Variants in PJA2 observed in about 807,000 individuals in gnomAD.
PJA2 encodes the protein praja ring finger ubiquitin ligase 2.
PJA2 carries 25 observed loss-of-function variants against 69.3 expected under a neutral mutation model. The ratio of observed to expected loss-of-function variants is 0.36; its 90% CI spans 0.26 to 0.50. The LOEUF is 0.50. Among genes scored for constraint, PJA2 ranks in the 20% least tolerant of loss-of-function variants. The pLI, the probability that PJA2 is intolerant of heterozygous loss-of-function variation, is 0.96. For missense variants in PJA2, 809 were observed against 830.2 expected (o/e 0.97, Z 0.31); for synonymous variants, 308 against 277.8 (o/e 1.11, Z -1.08).
intron 4 of PJA2, 100 bp downstream of exon 4, chr5:109,378,104 T>A: frequency 1.2e-6 from 1 of 805,332 alleles, no homozygotes; most frequent in Non-Finnish European, 2.0e-6. Flanking sequence ...AAATGTCTAA[T>A]TCCCTGATCA....
At chr5:109,368,442 G>T (rs1762620863) in intron 5 of PJA2, 119 bp downstream of exon 5, 2 of 749,496 alleles carry the variant, frequency 2.7e-6, no homozygotes, top group African/African-American at 1.8e-5. Flanking sequence ...AAAATCAGGG[G>T]GGCCTACTGG....
At chr5:109,353,016 ATCT>A (rs1212028005) in intron 7 of PJA2, among the ~76,000 whole-genome samples, 33 of 133,008 alleles carry the variant, frequency 2.5e-4, no homozygotes, top group African/African-American at 7.9e-4. Context: ...AGATACCTAT[ATCT>A]ATAGATATCT....
At position 109,378,213 on chromosome 5, in the gene PJA2, T is replaced by C. The variant is rs766118724; in HGVS notation, c.1274A>G (p.Asp425Gly). Residue 425 changes from aspartate (D) to glycine (G), a missense_variant, in exon 4 of 10, where the codon GAT becomes GGT. Physicochemically the swap from Asp to Gly is moderately conservative, Grantham distance 94. This residue lies in a region of PJA2 where 700 missense variants were observed against 639.5 expected (regional missense o/e 1.09). Transcript: ENST00000361189. ...CGDYYQLYDKDEDSSECSDGE... is the reference protein window; with the variant it reads ...CGDYYQLYDKGEDSSECSDGE... ...CTGGATGTGACCTTACCTATCTTCA[T>C]CTTTGTCATAGAGTTGGTAATAATC... 8 of 1,610,010 alleles carry C rather than the reference T, an allele frequency of 5.0e-6. No homozygotes were observed. Among genetic ancestry groups the C allele is most frequent in the African/African-American group, 1.3e-5 (1 of 74,946 alleles).
In PJA2 at chr5:109,378,326, C is replaced by T. The variant is rs964908763; in HGVS notation, c.1161G>A (p.Arg387=). The T allele has an allele frequency of 6.2e-7, 1 of 1,613,976 alleles. No homozygotes were observed. The highest frequency in any genetic ancestry group is 1.3e-5 in the African/African-American group (1 of 74,914). Residue 387 remains arginine, a synonymous_variant, in exon 4 of 10, where the codon AGG becomes AGA. Transcript: ENST00000361189. ...DPPYSRVITQ[R]ETENNQMTSE... is the part of the protein sequence containing the mutation. ...ATGTCATTTGGTTATTTTCTGTTTC[C>T]CTTTGTGTAATAACTCTTGAGTATG...
At chr5:109,339,430 C>A (rs1451433126) in intron 9 of PJA2, among the ~76,000 whole-genome samples, 2 of 152,050 alleles carry the variant, frequency 1.3e-5, no homozygotes, top group East Asian at 1.9e-4. Context: ...ATGTACCCCA[C>A]AGATTTATGC....
chr5:109,366,172 G>C (rs1398742868), intron 5 of PJA2, among the ~76,000 whole-genome samples: 2 of 150,808 alleles, frequency 1.3e-5, no homozygotes, highest in African/African-American at 4.9e-5. Context: ...TAATTGGAAA[G>C]AGACTTGTGA....
chr5:109,347,050 G>A (rs1323816922), intron 7 of PJA2, among the ~76,000 whole-genome samples: 1 of 152,112 alleles, frequency 6.6e-6, no homozygotes, highest in East Asian at 1.9e-4. Context: ...ACTTGCCTTG[G>A]GCCAAGCCCA....
At chr5:109,340,173 C>A (rs771037774) in intron 9 of PJA2, among the ~76,000 whole-genome samples, 52 of 152,272 alleles carry the variant, frequency 3.4e-4, no homozygotes, top group East Asian at 3.9e-4. Context: ...AATAAAAACA[C>A]CTCTAATTTC....
intron 1 of PJA2, among the ~76,000 whole-genome samples, chr5:109,407,167 A>G (rs968280001): frequency 7.2e-5 from 11 of 152,346 alleles, no homozygotes; most frequent in African/African-American, 2.6e-4. Context: ...AACAAAATAC[A>G]CTGTACATTT....
rs1344361061 is a variant in PJA2 at position 109,336,213 on chromosome 5, T to G, written c.*1018A>C. ...CAGTCATCATTCTCTAGTGTTAACATCAAATCACATTTGTAAGTGAACTAT... is the reference window on the plus strand; with the variant it reads ...CAGTCATCATTCTCTAGTGTTAACAGCAAATCACATTTGTAAGTGAACTAT... On this transcript the variant is annotated 3_prime_UTR_variant, in exon 10 of 10. Transcript: ENST00000361189. The G allele has an allele frequency of 1.3e-5, 2 of 152,242 alleles. No individual in the cohort carries two copies. The highest frequency in any genetic ancestry group is 2.4e-5 in the African/African-American group (1 of 41,452). 9.4% of individuals were successfully genotyped at this position (152,242 alleles called of 1,614,324 possible).
chr5:109,368,687 T>A lies in PJA2; in HGVS notation c.1343A>T (p.Glu448Val). Residue 448 changes from glutamate to valine, a missense_variant, in exon 5 of 10, where the codon GAA (glutamate) becomes GTA (valine). Glu to Val is a moderately radical substitution (Grantham distance 121, BLOSUM62 -2). This residue lies in a region of PJA2 where 700 missense variants were observed against 639.5 expected (regional missense o/e 1.09). Transcript: ENST00000361189. Reference protein sequence around the residue: ...ASLPHRFSGTEKDQSSSDESW... With the variant: ...ASLPHRFSGTVKDQSSSDESW... ...TTCATCACTTGAGGATTGATCTTTT[T>A]CTGTACCAGAAAATCGATGAGGCAA... 1 of 1,614,176 alleles carries A rather than the reference T, an allele frequency of 6.2e-7. No homozygotes were observed. Among genetic ancestry groups the A allele is most frequent in the Non-Finnish European group, 8.5e-7 (1 of 1,180,022 alleles).
intron 7 of PJA2, among the ~76,000 whole-genome samples, chr5:109,349,292 T>C (rs1173111850): frequency 6.6e-6 from 1 of 152,206 alleles, no homozygotes; most frequent in Non-Finnish European, 1.5e-5. Context: ...TTTAAATACT[T>C]TCCCTCCTAA....
intron 1 of PJA2, among the ~76,000 whole-genome samples, chr5:109,386,277 G>A (rs954046381): frequency 3.3e-5 from 5 of 152,140 alleles, no homozygotes; most frequent in African/African-American, 1.2e-4. Context: ...GTTTTAGGCA[G>A]AACTGATCGT....
chr5:109,384,017 G>T (rs574112400), intron 1 of PJA2, among the ~76,000 whole-genome samples: 1 of 152,302 alleles, frequency 6.6e-6, no homozygotes, highest in South Asian at 2.1e-4. Flanking sequence ...GTGAAATACA[G>T]ATTTACATCT....
At chr5:109,387,930 G>T (rs552463140) in intron 1 of PJA2, among the ~76,000 whole-genome samples, 129 of 152,252 alleles carry the variant, frequency 8.5e-4, no homozygotes, top group Admixed American at 1.3e-3. Flanking sequence ...ATAATTCTGT[G>T]CTCCTTTCTC....
At chr5:109,365,269 G>A (rs963613232) in intron 5 of PJA2, among the ~76,000 whole-genome samples, 2 of 152,166 alleles carry the variant, frequency 1.3e-5, no homozygotes, top group African/African-American at 4.8e-5. Flanking sequence ...CTTTATACGA[G>A]CTTCTTAGAA....
rs1428933 is a variant in PJA2 at position 109,367,755 on chromosome 5, T to A, written c.1469+806A>T. On this transcript the variant is annotated intron_variant, in intron 5 of 9. Transcript: ENST00000361189. ...AAACCATGACTGTGATCAGATTTGG[T>A]TTATTTCAAGGAGCAAGGGAAGTTG... Among the ~76,000 whole-genome samples, 675 of 152,324 alleles carry A rather than the reference T, an allele frequency of 4.4e-3. 4 individuals carry two copies. The highest frequency in any genetic ancestry group is 0.016 in the African/African-American group (647 of 41,552).
intron 3 of PJA2, among the ~76,000 whole-genome samples, chr5:109,379,695 TATA>T (rs1176948079): frequency 1.3e-5 from 2 of 152,242 alleles, no homozygotes; most frequent in African/African-American, 2.4e-5. Flanking sequence ...TTATGACAGA[TATA>T]ATAACTATAG....
chr5:109,371,782 G>A (rs1247551458), intron 4 of PJA2, among the ~76,000 whole-genome samples: 1 of 152,140 alleles, frequency 6.6e-6, no homozygotes, highest in African/African-American at 2.4e-5. Flanking sequence ...TGCTGCAGTT[G>A]CACATTAACC....
Sources: allele counts gnomAD v4.1 joint callset (sites outside exome capture counted in the v4.1 genomes callset), GRCh38; gene constraint gnomAD v4.1.1; regional missense constraint gnomAD v4.1.1; transcripts MANE v1.5; gene names NCBI Gene and HGNC (gene_info 2026-07-23, HGNC 2026-07-21).